PTPRR: variants seen among roughly 807,000 people sequenced by gnomAD.
PTPRR encodes protein tyrosine phosphatase receptor type R.
PTPRR carries 38 observed loss-of-function variants against 77.2 expected under a neutral mutation model. The observed-to-expected ratio is 0.49, with a 90% CI of 0.38 to 0.65. The LOEUF (loss-of-function observed/expected upper bound fraction) is 0.65, where lower values mean the gene tolerates loss of function less well. Ranked by LOEUF, PTPRR falls within the 30% of genes least tolerant of loss-of-function variation. The pLI is 0.00. For missense variants in PTPRR, 744 were observed against 799.2 expected (o/e 0.93, Z 0.83); for synonymous variants, 299 against 283.1 (o/e 1.06, Z -0.57).
intron 13 of PTPRR, among the ~76,000 whole-genome samples, chr12:70,644,608 C>T (rs542107616): frequency 6.6e-6 from 1 of 152,328 alleles, no homozygotes; most frequent in African/African-American, 2.4e-5. Flanking sequence ...GGGACTATCA[C>T]TTAACATGTT....
At chr12:70,855,838 A>G (rs1892642489) in intron 2 of PTPRR, among the ~76,000 whole-genome samples, 1 of 150,626 alleles carries the variant, frequency 6.6e-6, no homozygotes, top group African/African-American at 2.4e-5. Context: ...ATATAACAAC[A>G]ATGTTTTGCA....
At chr12:70,803,836 C>A (rs764533737) in intron 2 of PTPRR, among the ~76,000 whole-genome samples, 1 of 152,092 alleles carries the variant, frequency 6.6e-6, no homozygotes, top group Non-Finnish European at 1.5e-5. Flanking sequence ...AATTGATCTT[C>A]TTTACTGCCA....
intron 2 of PTPRR, among the ~76,000 whole-genome samples, chr12:70,800,702 C>T (rs1891599169): frequency 6.6e-6 from 1 of 152,060 alleles, no homozygotes; most frequent in South Asian, 2.1e-4. Context: ...CAAGTCCAGT[C>T]TGGCCAACAT....
chr12:70,657,919 T>C (rs1421757901), intron 12 of PTPRR, among the ~76,000 whole-genome samples: 1 of 152,190 alleles, frequency 6.6e-6, no homozygotes, highest in Non-Finnish European at 1.5e-5. Context: ...GATCTCATTA[T>C]AGTTTCCAAG....
intron 1 of PTPRR, among the ~76,000 whole-genome samples, chr12:70,918,649 A>C (rs1183260901): frequency 3.3e-5 from 5 of 152,196 alleles, no homozygotes; most frequent in Admixed American, 3.3e-4. Flanking sequence ...ATAACTTTTA[A>C]GATATAATTA....
At chr12:70,737,941 T>G (rs2136906715) in intron 6 of PTPRR, among the ~76,000 whole-genome samples, 1 of 152,352 alleles carries the variant, frequency 6.6e-6, no homozygotes, top group Non-Finnish European at 1.5e-5. Context: ...AGTGGAGGAA[T>G]GATTAAAGAT....
chr12:70,823,169 T>A (rs1280163759), intron 2 of PTPRR, among the ~76,000 whole-genome samples: 1 of 150,234 alleles, frequency 6.7e-6, no homozygotes, highest in Non-Finnish European at 1.5e-5. Context: ...TTGTCGTTTT[T>A]CTTTCTGAAA....
intron 1 of PTPRR, among the ~76,000 whole-genome samples, chr12:70,903,006 A>T (rs1893564416): frequency 6.6e-6 from 1 of 151,864 alleles, no homozygotes. Context: ...TGAGTGAAAT[A>T]AGGTGGGCAC....
chr12:70,664,911 A>G (rs770295668), intron 10 of PTPRR, among the ~76,000 whole-genome samples: 2 of 152,206 alleles, frequency 1.3e-5, no homozygotes, highest in Non-Finnish European at 2.9e-5. Context: ...ACTTTTGAAT[A>G]TGAGGTGGGG....
intron 2 of PTPRR, among the ~76,000 whole-genome samples, chr12:70,815,546 T>C (rs558098548): frequency 6.6e-6 from 1 of 152,250 alleles, no homozygotes; most frequent in Non-Finnish European, 1.5e-5. Context: ...CAGACTGTCA[T>C]AATTGAGTTT....
At chr12:70,810,410 A>G (rs970693502) in intron 2 of PTPRR, among the ~76,000 whole-genome samples, 1 of 152,162 alleles carries the variant, frequency 6.6e-6, no homozygotes, top group African/African-American at 2.4e-5. Context: ...ACATAATATC[A>G]TTACTTTCAC....
chr12:70,912,308 T>C (rs1893711831), intron 1 of PTPRR, among the ~76,000 whole-genome samples: 1 of 152,156 alleles, frequency 6.6e-6, no homozygotes, highest in South Asian at 2.1e-4. Context: ...GTGAAATAGC[T>C]GTAGAGTCTT....
chr12:70,795,269 A>G (rs1891491926), intron 2 of PTPRR, among the ~76,000 whole-genome samples: 1 of 152,058 alleles, frequency 6.6e-6, no homozygotes, highest in Non-Finnish European at 1.5e-5. Context: ...TACATCTCCT[A>G]TTTCCTAAGG....
chr12:70,729,147 TAATATA>T (rs1228894971), intron 6 of PTPRR, among the ~76,000 whole-genome samples: 2 of 152,156 alleles, frequency 1.3e-5, no homozygotes, highest in Non-Finnish European at 2.9e-5. Context: ...AAATATATAC[TAATATA>T]AATATATTCA....
chr12:70,672,170 G>T (rs149771875), intron 10 of PTPRR: 697 of 1,521,976 alleles, frequency 4.6e-4, no homozygotes, highest in Non-Finnish European at 5.7e-4. Flanking sequence ...AAGAGCCTTG[G>T]GTGCCCAGTT....
At chr12:70,644,133 C>T (rs546741260) in intron 13 of PTPRR, among the ~76,000 whole-genome samples, 29 of 152,340 alleles carry the variant, frequency 1.9e-4, no homozygotes, top group Non-Finnish European at 2.9e-5. Context: ...CCAATAAATA[C>T]TTGCCTCTGG....
At chr12:70,694,846 T>C (rs1351104842) in intron 8 of PTPRR, among the ~76,000 whole-genome samples, 1 of 152,174 alleles carries the variant, frequency 6.6e-6, no homozygotes, top group Non-Finnish European at 1.5e-5. Flanking sequence ...CAGTATTTTA[T>C]TGTGTGCTAA....
At chr12:70,733,055 G>A (rs1229383433) in intron 6 of PTPRR, among the ~76,000 whole-genome samples, 2 of 152,072 alleles carry the variant, frequency 1.3e-5, no homozygotes, top group Non-Finnish European at 2.9e-5. Flanking sequence ...GAAAAGTAAG[G>A]CAGGTGGGAT....
At chr12:70,759,579 G>T (rs920141922) in intron 4 of PTPRR, among the ~76,000 whole-genome samples, 10 of 148,866 alleles carry the variant, frequency 6.7e-5, no homozygotes, top group Admixed American at 2.7e-4. Flanking sequence ...TACTCAGAAG[G>T]TTGAGGCAGG....
Sources: gnomAD v4.1 joint callset for allele counts (sites outside exome capture counted in the v4.1 genomes callset) on GRCh38, gnomAD v4.1.1 for gene constraint, MANE v1.5 for transcripts, NCBI Gene and HGNC (gene_info 2026-07-23, HGNC 2026-07-21) for gene names.